The following SVOPL variants were observed in gnomAD, a reference collection of about 807,000 sequenced individuals.
SVOPL encodes the protein SVOP like.
SVOPL carries 60 observed loss-of-function variants against 61.0 expected under a neutral mutation model. The ratio of observed to expected loss-of-function variants is 0.98; its 90% CI spans 0.80 to 1.22. The LOEUF (loss-of-function observed/expected upper bound fraction) is 1.22, where lower values mean the gene tolerates loss of function less well. SVOPL is among the 50% of genes most tolerant of loss of function. SVOPL has a pLI of 0.00. For synonymous variants in SVOPL, 279 were observed against 250.0 expected (o/e 1.12, Z -1.09); for missense variants, 662 against 643.9 (o/e 1.03, Z -0.30).
rs570199208 is a variant in SVOPL, at chr7:138,596,629, G to A, written c.1354-99C>T. The A allele has an allele frequency of 9.5e-6, 14 of 1,477,410 alleles. No individual in the cohort carries two copies. In the African/African-American group the frequency reaches 1.8e-4, roughly 19 times the overall value. 91.5% of individuals were successfully genotyped at this position (1,477,410 alleles called of 1,614,324 possible). On this transcript the variant is annotated intron_variant, in intron 14 of 15. Coordinates refer to ENST00000674285, the MANE Select transcript of SVOPL (RefSeq NM_001139456.2). ...AAATACAGATTCACTTCACTAAGAT[G>A]GTCCTTTGCAGCCATTCTACAGGTT... is the stretch of plus-strand genomic sequence containing the variant.
At chr7:138,658,268 G>A (rs149221707) in intron 6 of SVOPL, among the ~76,000 whole-genome samples, 29 of 152,130 alleles carry the variant, frequency 1.9e-4, no homozygotes, top group African/African-American at 6.3e-4. Context: ...ACTCTAGTTC[G>A]ATCCCATCTG....
intron 3 of SVOPL, 32 bp downstream of exon 3, chr7:138,678,402 A>G (rs1417105016): frequency 1.3e-6 from 2 of 1,542,016 alleles, no homozygotes; most frequent in Admixed American, 4.0e-5. Flanking sequence ...AGAGTTTGAC[A>G]CTTTTCGTCA....
At chr7:138,656,609 A>C (rs186348095) in intron 6 of SVOPL, 98 bp from the exon 7 acceptor site, 1 of 1,273,636 alleles carries the variant, frequency 7.9e-7, no homozygotes, top group Admixed American at 1.9e-5. Context: ...TAAAGAATTC[A>C]AAAGCATAGA....
At chr7:138,628,460 A>G in intron 10 of SVOPL, 97 bp from the exon 11 acceptor site, 1 of 1,250,672 alleles carries the variant, frequency 8.0e-7, no homozygotes, top group Non-Finnish European at 1.1e-6. Context: ...GCATGTGGAA[A>G]GCAAAGAGAG....
chr7:138,608,591 G>A (rs548564449), intron 14 of SVOPL, among the ~76,000 whole-genome samples: 1 of 152,182 alleles, frequency 6.6e-6, no homozygotes, highest in African/African-American at 2.4e-5. Context: ...GTCTGGGTCA[G>A]AATCTGGGTT....
At chr7:138,660,864 G>A (rs529998744) in intron 5 of SVOPL, 1 of 985,088 alleles carries the variant, frequency 1.0e-6, no homozygotes, top group South Asian at 4.7e-5. Context: ...CTATATACTT[G>A]CAAGTCATGA....
intron 1 of SVOPL, among the ~76,000 whole-genome samples, chr7:138,679,598 G>T (rs1352481733): frequency 5.3e-5 from 8 of 152,112 alleles, no homozygotes; most frequent in Admixed American, 3.3e-4. Flanking sequence ...TAGGTATGTG[G>T]CTTTGAGGAA....
rs1388154082 is a variant in SVOPL, at chr7:138,694,490, CCTGCCT to C, written c.-35+6682_-35+6687del. 1.2e-4 allele frequency among the ~76,000 whole-genome samples: 18 copies of C among 152,228 alleles called. No individual in the cohort carries two copies. In the South Asian group the frequency reaches 1.2e-3, roughly 11 times the overall value. On this transcript the variant is annotated intron_variant, in intron 1 of 15. Coordinates refer to ENST00000674285, the MANE Select transcript of SVOPL (RefSeq NM_001139456.2). Reference sequence around the variant, plus strand: ...CGAACTCCTGACCTCAGGTGATCCACCTGCCTCTGCCTCCCAAAGTGCTGGGATTAC... The same window carrying C: ...CGAACTCCTGACCTCAGGTGATCCACCTGCCTCCCAAAGTGCTGGGATTAC...
intron 1 of SVOPL, among the ~76,000 whole-genome samples, chr7:138,698,106 G>A (rs930396288): frequency 6.6e-6 from 1 of 151,116 alleles, no homozygotes; most frequent in African/African-American, 2.4e-5. Context: ...GAAAGGAAGG[G>A]ATGAGGGAAG....
intron 14 of SVOPL, chr7:138,597,117 T>C (rs1374936659): frequency 1.0e-5 from 13 of 1,274,690 alleles, no homozygotes; most frequent in Non-Finnish European, 1.3e-5. Flanking sequence ...GGCCTGGATC[T>C]TTTCACGCAG....
chr7:138,618,533 T>A (rs1799401856), intron 14 of SVOPL, among the ~76,000 whole-genome samples: 1 of 151,978 alleles, frequency 6.6e-6, no homozygotes, highest in Non-Finnish European at 1.5e-5. Flanking sequence ...CGGTGGTGGG[T>A]GCCTGTAATT....
At chr7:138,625,295 G>T (rs761284788) in intron 13 of SVOPL, 4 of 152,014 alleles carry the variant, frequency 2.6e-5, no homozygotes, top group Non-Finnish European at 5.9e-5. Context: ...ATCTTTAATC[G>T]CAATAGACTT....
chr7:138,666,990 G>A (rs1402712958), intron 4 of SVOPL, among the ~76,000 whole-genome samples: 3 of 152,088 alleles, frequency 2.0e-5, no homozygotes, highest in African/African-American at 7.2e-5. Context: ...CAATAAAACT[G>A]TCCTTTCTAT....
At chr7:138,692,421 A>G (rs140684194) in intron 1 of SVOPL, among the ~76,000 whole-genome samples, 2,171 of 152,236 alleles carry the variant, frequency 0.014, 52 homozygotes, top group African/African-American at 0.05. Flanking sequence ...CTGCTCCCCA[A>G]CATTGGGCCA....
chr7:138,639,412 A>T (rs1341172480), intron 9 of SVOPL, among the ~76,000 whole-genome samples: 2 of 151,904 alleles, frequency 1.3e-5, no homozygotes, highest in African/African-American at 4.8e-5. Flanking sequence ...GGGCCACATG[A>T]GGTCAGGAGT....
chr7:138,693,544 A>AG (rs200771915), intron 1 of SVOPL, among the ~76,000 whole-genome samples: 1,644 of 79,768 alleles, frequency 0.021, 41 homozygotes, highest in African/African-American at 0.094. Flanking sequence ...AAAGAAAGAA[A>AG]GAAAGAAAGA....
rs1444143268 is a variant in SVOPL at position 138,647,842 on chromosome 7, C to T, written c.660+1170G>A. Among the ~76,000 whole-genome samples the T allele has an allele frequency of 5.7e-5, 5 of 88,478 alleles. No homozygotes were observed. The East Asian group carries it at 1.0e-3, about 18-fold the overall frequency. The allele number at this position is 88,478 out of a possible 152,430, so 58.0% of individuals were successfully genotyped here. A position where few individuals can be genotyped will look rare whatever the true frequency, so the allele number is the denominator to read the frequency against. On this transcript the variant is annotated intron_variant, in intron 8 of 15. Transcript: ENST00000674285. ...CAGCCTGGGCAATAGAGTAAGACTC[C>T]GTTTCAAAAAAAAAAAAAAAAAAAA...
chr7:138,669,678 T>C (rs1408373449), intron 4 of SVOPL, among the ~76,000 whole-genome samples: 1 of 152,220 alleles, frequency 6.6e-6, no homozygotes, highest in Non-Finnish European at 1.5e-5. Context: ...TTCTCACTTA[T>C]GACTTATTGC....
At chr7:138,646,636 A>G (rs528528545) in intron 8 of SVOPL, among the ~76,000 whole-genome samples, 25 of 152,258 alleles carry the variant, frequency 1.6e-4, no homozygotes, top group Admixed American at 1.2e-3. Flanking sequence ...CTCCCATCTC[A>G]GCCTCCTGAG....
Sources: gnomAD v4.1 joint callset for allele counts (sites outside exome capture counted in the v4.1 genomes callset) on GRCh38, gnomAD v4.1.1 for gene constraint, MANE v1.5 for transcripts, NCBI Gene and HGNC (gene_info 2026-07-23, HGNC 2026-07-21) for gene names.